Variants in BROX observed in about 807,000 individuals in gnomAD.
BROX encodes BRO1 domain and CAAX motif containing.
BROX carries 53 observed loss-of-function variants against 61.0 expected under a neutral mutation model. The ratio of observed to expected loss-of-function variants is 0.87; its 90% CI spans 0.70 to 1.09. The LOEUF is 1.09. BROX is among the 50% of genes least tolerant of loss of function. The pLI, the probability that BROX is intolerant of heterozygous loss-of-function variation, is 0.00. For missense variants in BROX, 489 were observed against 472.0 expected, an observed-to-expected ratio of 1.04 and a Z score of -0.33; for synonymous variants, 152 against 160.2, an observed-to-expected ratio of 0.95 and a Z score of 0.38.
At position 222,729,328 on chromosome 1, in the gene BROX, C is replaced by T. The variant is rs367666821; in HGVS notation, c.757-292C>T. Among the ~76,000 whole-genome samples, 53 of 152,316 alleles carry T rather than the reference C, an allele frequency of 3.5e-4. 1 individual carries two copies. The East Asian group carries it at 8.7e-3, about 25-fold the overall frequency. On this transcript the variant is annotated intron_variant, in intron 9 of 12. Transcript: ENST00000340934. ...TAGATAATATTTCTTATACCTCCTTCTTCCTATGCATTAGCACAATAATTT... is the reference window on the plus strand; with the variant it reads ...TAGATAATATTTCTTATACCTCCTTTTTCCTATGCATTAGCACAATAATTT...
chr1:222,719,132 T>G (rs1041944261), intron 3 of BROX, 101 bp downstream of exon 3: 1 of 1,288,644 alleles, frequency 7.8e-7, no homozygotes, highest in Non-Finnish European at 1.1e-6. Context: ...TCTTCCAGAC[T>G]GTATTCTTTG....
chr1:222,713,474 A>G, intron 1 of BROX: 1 of 975,744 alleles, frequency 1.0e-6, no homozygotes, highest in Non-Finnish European at 1.2e-6. Context: ...TAGGAGCGGG[A>G]GTCCTCTTGT....
chr1:222,727,516 A>G (rs1391445068), intron 8 of BROX, among the ~76,000 whole-genome samples: 2 of 152,166 alleles, frequency 1.3e-5, no homozygotes, highest in African/African-American at 4.8e-5. Flanking sequence ...GTTTATAACA[A>G]CCTTATAGTT....
At chr1:222,721,264 G>A (rs1469617523) in intron 4 of BROX, among the ~76,000 whole-genome samples, 1 of 151,860 alleles carries the variant, frequency 6.6e-6, no homozygotes, top group Non-Finnish European at 1.5e-5. Flanking sequence ...TTTTTCAGGA[G>A]GATAAAACTG....
chr1:222,728,679 G>C (rs1163894938), intron 8 of BROX, 64 bp from the exon 9 acceptor site: 9 of 1,033,540 alleles, frequency 8.7e-6, no homozygotes, highest in African/African-American at 4.7e-5. Context: ...CAGAACACAT[G>C]AACTAAAAGT....
chr1:222,712,565 C>T lies in BROX; in HGVS notation c.-394C>T. On this transcript the variant is annotated 5_prime_UTR_variant, in exon 1 of 13. Transcript: ENST00000340934. ...CCCGGGTTAGGTTGAGGCCGCCCCA[C>T]TGCGCCGAGGGCCGCCATCGCTATT... 1 of 1,383,764 alleles carries T rather than the reference C, an allele frequency of 7.2e-7. No homozygotes were observed. The highest frequency in any genetic ancestry group is 9.4e-7 in the Non-Finnish European group (1 of 1,063,986). 85.7% of individuals were successfully genotyped at this position (1,383,764 alleles called of 1,614,324 possible). A position where few individuals can be genotyped will look rare whatever the true frequency, so the allele number is the denominator to read the frequency against.
chr1:222,729,076 A>G (rs936579500), intron 9 of BROX, among the ~76,000 whole-genome samples: 7 of 152,214 alleles, frequency 4.6e-5, no homozygotes, highest in African/African-American at 1.7e-4. Context: ...CACTTGCAGC[A>G]TACTTAATGA....
intron 8 of BROX, among the ~76,000 whole-genome samples, chr1:222,728,496 A>G (rs966323581): frequency 6.6e-6 from 1 of 152,122 alleles, no homozygotes; most frequent in Non-Finnish European, 1.5e-5. Context: ...TGTTTTTATC[A>G]TTATCTTTAA....
chr1:222,723,043 A>G (rs183650717), intron 5 of BROX, among the ~76,000 whole-genome samples: 1 of 152,368 alleles, frequency 6.6e-6, no homozygotes, highest in Admixed American at 6.5e-5. Context: ...TAGTGGATAC[A>G]GCAATAGGAA....
At chr1:222,718,538 G>A (rs1302352078) in intron 2 of BROX, among the ~76,000 whole-genome samples, 1 of 152,056 alleles carries the variant, frequency 6.6e-6, no homozygotes, top group Non-Finnish European at 1.5e-5. Context: ...ATTGTGAACT[G>A]CTTAGTTTTT....
chr1:222,726,466 C>T (rs552970852), intron 7 of BROX, among the ~76,000 whole-genome samples: 2 of 152,314 alleles, frequency 1.3e-5, no homozygotes, highest in South Asian at 4.1e-4. Flanking sequence ...CCTGTAATCT[C>T]AGCACTTTGG....
chr1:222,714,965 A>G (rs968872272), intron 1 of BROX, among the ~76,000 whole-genome samples: 2 of 152,160 alleles, frequency 1.3e-5, no homozygotes, highest in Non-Finnish European at 2.9e-5. Flanking sequence ...TATTTTTTGG[A>G]AAGTACATTT....
chr1:222,716,499 A>T (rs1414802752), intron 2 of BROX, among the ~76,000 whole-genome samples: 1 of 152,276 alleles, frequency 6.6e-6, no homozygotes, highest in African/African-American at 2.4e-5. Context: ...TTCACACAGG[A>T]AAAAGTACTT....
rs1294781235 is a variant in BROX, at chr1:222,732,827, A to G, written c.*113A>G. ...AGCTTGTAGAATAACTATTATATTC[A>G]GAGGGTTATCTGCCTTCAGCTTACT... On this transcript the variant is annotated 3_prime_UTR_variant, in exon 13 of 13. Transcript: ENST00000340934. The G allele has an allele frequency of 1.2e-6, 1 of 836,494 alleles. No individual in the cohort carries two copies. Among genetic ancestry groups the G allele is most frequent in the Non-Finnish European group, 1.9e-6 (1 of 536,724 alleles). 51.8% of individuals were successfully genotyped at this position (836,494 alleles called of 1,614,324 possible).
rs142838460 is a variant in BROX at position 222,725,521 on chromosome 1, A to G, written c.546A>G (p.Ala182=). ...GRDLESRLIE[A]YVIQCQAEAQ... ...ATTTAGAGTCACGACTCATAGAAGC[A>G]TACGTTATTCAATGTCAGGCTGAAG... The change falls in exon 7 of 13, where the codon GCA becomes GCG. Residue 182 remains alanine (A), a synonymous_variant. Transcript: ENST00000340934. 8.2e-5 allele frequency: 132 copies of G among 1,612,898 alleles called. No homozygotes were observed. Among genetic ancestry groups the G allele is most frequent in the Non-Finnish European group, 1.1e-4 (126 of 1,179,468 alleles).
intron 6 of BROX, among the ~76,000 whole-genome samples, chr1:222,724,886 C>A (rs532269339): frequency 6.6e-6 from 1 of 152,132 alleles, no homozygotes; most frequent in Non-Finnish European, 1.5e-5. Context: ...CCTCTGCCTC[C>A]CGGTTCAAGT....
chr1:222,727,177 C>A lies in BROX; in HGVS notation c.590C>A (p.Ala197Asp). The change falls in exon 8 of 13, where the codon GCT becomes GAT. Residue 197 changes from alanine (A) to aspartate (D), a missense_variant. Physicochemically the swap from Ala to Asp is moderately radical, Grantham distance 126 (BLOSUM62 -2). Transcript: ENST00000340934. ...CQAEAQEVTIARAIELKHAPG... is the reference protein window; with the variant it reads ...CQAEAQEVTIDRAIELKHAPG... ...TTGTGTTTGGTTACAGTAACAATTG[C>A]TCGAGCAATTGAACTAAAACATGCT... 6.2e-7 allele frequency: 1 copy of A among 1,611,206 alleles called. No individual in the cohort carries two copies. Among genetic ancestry groups the A allele is most frequent in the Non-Finnish European group, 8.5e-7 (1 of 1,178,020 alleles).
At chr1:222,722,799 T>TA (rs1391402561) in intron 5 of BROX, among the ~76,000 whole-genome samples, 1 of 152,138 alleles carries the variant, frequency 6.6e-6, no homozygotes, top group African/African-American at 2.4e-5. Flanking sequence ...TAAACAAAGT[T>TA]AAAAAACAAA....
chr1:222,729,930 G>A, intron 10 of BROX, 97 bp from the exon 11 acceptor site: 1 of 1,179,284 alleles, frequency 8.5e-7, no homozygotes, highest in Non-Finnish European at 1.2e-6. Flanking sequence ...TAGGTAAAGA[G>A]CAGTAAATGT....
Sources: gnomAD v4.1 joint callset for allele counts (sites outside exome capture counted in the v4.1 genomes callset) on GRCh38, gnomAD v4.1.1 for gene constraint, MANE v1.5 for transcripts, NCBI Gene and HGNC (gene_info 2026-07-23, HGNC 2026-07-21) for gene names.